Variants in TUBB8 observed in about 807,000 individuals in gnomAD.
TUBB8 encodes tubulin beta 8 class VIII, also known as tubulin beta-8 chain.
TUBB8 carries 25 observed loss-of-function variants against 33.7 expected under a neutral mutation model. The ratio of observed to expected loss-of-function variants is 0.74; its 90% CI spans 0.54 to 1.04. The LOEUF is 1.04. Among genes scored for constraint, TUBB8 ranks in the 50% least tolerant of loss-of-function variants. The pLI is 0.00. For synonymous variants in TUBB8, 245 were observed against 240.1 expected, an observed-to-expected ratio of 1.02 and a Z score of -0.19; for missense variants, 279 against 608.0, an observed-to-expected ratio of 0.46 and a Z score of 5.69.
At chr10:69,391 A>G (rs79048180) in intron 1 of TUBB8, among the ~76,000 whole-genome samples, 4 of 151,328 alleles carry the variant, frequency 2.6e-5, no homozygotes, top group African/African-American at 4.9e-5. Flanking sequence ...ACTGTCCAGC[A>G]AAATCCCTAA....
chr10:68,336 G>A (rs1227517608), intron 1 of TUBB8, among the ~76,000 whole-genome samples: 2 of 152,100 alleles, frequency 1.3e-5, no homozygotes, highest in African/African-American at 4.8e-5. Flanking sequence ...TGGGACACCT[G>A]CAATACTGAT....
At chr10:64,270 A>G (rs1278924182) in intron 1 of TUBB8, among the ~76,000 whole-genome samples, 2 of 139,884 alleles carry the variant, frequency 1.4e-5, no homozygotes, top group African/African-American at 5.1e-5. Flanking sequence ...AGTTTATTCA[A>G]AGCCCTAGCC....
chr10:66,323 C>T (rs1244276223), intron 1 of TUBB8, among the ~76,000 whole-genome samples: 1 of 152,230 alleles, frequency 6.6e-6, no homozygotes, highest in East Asian at 1.9e-4. Context: ...TTTCCAGACA[C>T]CAGCAACAAA....
chr10:56,110 C>G (rs1263931207), intron 1 of TUBB8, among the ~76,000 whole-genome samples: 3 of 152,216 alleles, frequency 2.0e-5, no homozygotes, highest in African/African-American at 7.2e-5. Context: ...TTCTTCCAAT[C>G]TGTGAACATA....
chr10:46,660 C>A (rs1834330756), downstream of TUBB8, among the ~76,000 whole-genome samples: 1 of 151,668 alleles, frequency 6.6e-6, no homozygotes, highest in Admixed American at 6.6e-5. Flanking sequence ...CAAGGCTTGC[C>A]TTCAGCAACA....
chr10:56,870 C>T (rs1406207554), intron 1 of TUBB8, among the ~76,000 whole-genome samples: 1 of 152,208 alleles, frequency 6.6e-6, no homozygotes, highest in Non-Finnish European at 1.5e-5. Flanking sequence ...GAAGTCTTAA[C>T]TCATTTCAGC....
chr10:58,295 C>A (rs1380346647), intron 1 of TUBB8, among the ~76,000 whole-genome samples: 2 of 152,210 alleles, frequency 1.3e-5, no homozygotes, highest in Non-Finnish European at 2.9e-5. Flanking sequence ...CCTCATTTTT[C>A]TGTCTTCTTC....
rs1363818416 is a variant in TUBB8 at position 47,899 on chromosome 10, T to C, written c.493A>G (p.Asn165Asp). 6.2e-7 allele frequency: 1 copy of C among 1,614,194 alleles called. No homozygotes were observed. The highest frequency in any genetic ancestry group is 8.5e-7 in the Non-Finnish European group (1 of 1,180,050). The change falls in exon 4 of 4, where the codon AAC becomes GAC. Residue 165 changes from asparagine (N) to aspartate (D), a missense_variant. Around this residue, in one of 4 missense-constraint regions of TUBB8, gnomAD observed 96 missense variants for 233.7 expected, o/e 0.41. Transcript: ENST00000568584. ...GGCGAGGGCAGGATGCTGAATGTGTTTATGATCCTGTCTGGGTACTCCTCC... is the reference window on the plus strand; with the variant it reads ...GGCGAGGGCAGGATGCTGAATGTGTCTATGATCCTGTCTGGGTACTCCTCC... ...IREEYPDRIINTFSILPSPKV... is the reference protein window; with the variant it reads ...IREEYPDRIIDTFSILPSPKV...
At chr10:71,785 C>T (rs1160060003) in intron 1 of TUBB8, among the ~76,000 whole-genome samples, 1 of 151,644 alleles carries the variant, frequency 6.6e-6, no homozygotes, top group African/African-American at 2.4e-5. Flanking sequence ...TGGCTGGTGC[C>T]TATAGTCCAA....
intron 2 of TUBB8, 37 bp from the exon 3 acceptor site, chr10:48,762 C>T (rs1834412040): frequency 8.1e-6 from 13 of 1,607,370 alleles, no homozygotes; most frequent in Non-Finnish European, 9.4e-6. Flanking sequence ...AGGGGAGGGC[C>T]GCGTTCCCAG....
In TUBB8 at chr10:47,141, G is replaced by A. The variant is rs1338708892; in HGVS notation, c.1251C>T (p.Asp417=). The part of the protein sequence containing the change: ...EFTEAESNMN[D]LVSEYQQYQD... Reference sequence around the variant, plus strand: ...GATATTGCTGATATTCAGACACCAGGTCGTTCATGTTGCTCTCGGCCTCGG... The same window carrying A: ...GATATTGCTGATATTCAGACACCAGATCGTTCATGTTGCTCTCGGCCTCGG... The change falls in exon 4 of 4, where the codon GAC becomes GAT. Residue 417 remains aspartate, a synonymous_variant. Transcript: ENST00000568584. 6 of 1,562,306 alleles carry A rather than the reference G, an allele frequency of 3.8e-6. No individual in the cohort carries two copies. In the Admixed American group the frequency reaches 8.4e-5, roughly 22 times the overall value.
chr10:69,869 C>G (rs1834715387), intron 1 of TUBB8, among the ~76,000 whole-genome samples: 1 of 152,222 alleles, frequency 6.6e-6, no homozygotes, highest in Admixed American at 6.5e-5. Context: ...CCAGCCTGGG[C>G]AATCGGGCCA....
upstream of TUBB8, among the ~76,000 whole-genome samples, chr10:51,931 C>T (rs576654795): frequency 1.3e-5 from 2 of 152,284 alleles, no homozygotes; most frequent in Non-Finnish European, 1.5e-5. Flanking sequence ...GGGCCTCTTT[C>T]CTGGGGCTGC....
chr10:55,317 C>T (rs1168321448), intron 1 of TUBB8, among the ~76,000 whole-genome samples: 4 of 152,180 alleles, frequency 2.6e-5, no homozygotes, highest in African/African-American at 4.8e-5. Context: ...CAGGTCTCTC[C>T]CTCAACACCT....
chr10:67,333 G>A (rs568156327), intron 1 of TUBB8, among the ~76,000 whole-genome samples: 6,539 of 110,182 alleles, frequency 0.059, no homozygotes, highest in African/African-American at 0.13. Flanking sequence ...CTTCCAGTTC[G>A]TGAATATGAG....
intron 1 of TUBB8, among the ~76,000 whole-genome samples, chr10:64,200 G>A (rs1248733150): frequency 1.1e-4 from 17 of 152,014 alleles, no homozygotes; most frequent in Non-Finnish European, 2.2e-4. Flanking sequence ...CACACATGAA[G>A]TAGCCATAGA....
chr10:63,783 G>GC (rs1400071337), intron 1 of TUBB8, among the ~76,000 whole-genome samples: 1 of 152,050 alleles, frequency 6.6e-6, no homozygotes, highest in Non-Finnish European at 1.5e-5. Flanking sequence ...TCCAGGATTT[G>GC]CCCCTGGTGC....
chr10:62,681 T>G (rs1167000117), intron 1 of TUBB8, among the ~76,000 whole-genome samples: 1 of 152,274 alleles, frequency 6.6e-6, no homozygotes, highest in Non-Finnish European at 1.5e-5. Flanking sequence ...GGTCTGGTGT[T>G]AATGAAATAC....
At chr10:66,397 C>G (rs1273504761) in intron 1 of TUBB8, among the ~76,000 whole-genome samples, 1 of 152,212 alleles carries the variant, frequency 6.6e-6, no homozygotes, top group East Asian at 1.9e-4. Context: ...ACCTGTAATA[C>G]CAGCACTTTG....
Sources: allele counts gnomAD v4.1 joint callset (sites outside exome capture counted in the v4.1 genomes callset), GRCh38; gene constraint gnomAD v4.1.1; regional missense constraint gnomAD v4.1.1; transcripts MANE v1.5; gene names NCBI Gene and HGNC (gene_info 2026-07-23, HGNC 2026-07-21).